Variants in MACROD2 observed in about 807,000 individuals in gnomAD.
MACROD2 encodes the protein ADP-ribose glycohydrolase MACROD2.
MACROD2 carries 36 observed loss-of-function variants against 70.4 expected under a neutral mutation model. The observed-to-expected ratio is 0.51, with a 90% CI of 0.39 to 0.68. The LOEUF (loss-of-function observed/expected upper bound fraction) is 0.68, where lower values mean the gene tolerates loss of function less well. Among genes scored for constraint, MACROD2 ranks in the 30% least tolerant of loss-of-function variants. The pLI is 0.00. For synonymous variants in MACROD2, 172 were observed against 178.8 expected (o/e 0.96, Z 0.30); for missense variants, 496 against 538.4 (o/e 0.92, Z 0.78).
intron 15 of MACROD2, among the ~76,000 whole-genome samples, chr20:15,990,766 A>G (rs879307449): frequency 4.6e-5 from 7 of 152,218 alleles, no homozygotes; most frequent in Non-Finnish European, 2.9e-5. Flanking sequence ...GTGTACAGAC[A>G]GCCATGGCTT....
intron 3 of MACROD2, among the ~76,000 whole-genome samples, chr20:14,484,194 A>T (rs1329037673): frequency 1.3e-5 from 2 of 152,208 alleles, no homozygotes; most frequent in Non-Finnish European, 2.9e-5. Flanking sequence ...TTTAATAAAC[A>T]TATTTTAATA....
chr20:14,332,731 G>A (rs116250607), intron 3 of MACROD2, among the ~76,000 whole-genome samples: 2,280 of 152,152 alleles, frequency 0.015, 23 homozygotes, highest in African/African-American at 0.027. Context: ...ATTGTTTTAA[G>A]TAAAACCTTG....
intron 8 of MACROD2, among the ~76,000 whole-genome samples, chr20:15,708,348 A>G (rs978845171): frequency 7.8e-4 from 119 of 152,222 alleles, no homozygotes; most frequent in African/African-American, 2.7e-3. Flanking sequence ...GAGGACCAGG[A>G]GCCTGGGGAT....
intron 2 of MACROD2, among the ~76,000 whole-genome samples, chr20:14,051,032 C>A (rs545355803): frequency 3.9e-5 from 6 of 152,052 alleles, no homozygotes; most frequent in African/African-American, 1.5e-4. Context: ...TTGAAATATA[C>A]TTGTGAAAAG....
intron 8 of MACROD2, among the ~76,000 whole-genome samples, chr20:15,838,352 TTC>T (rs1568589591): frequency 6.6e-6 from 1 of 152,184 alleles, no homozygotes; most frequent in African/African-American, 2.4e-5. Context: ...TTTCTTATCT[TTC>T]TATGCAAAAT....
At chr20:15,057,110 T>C (rs1454486139) in intron 5 of MACROD2, among the ~76,000 whole-genome samples, 1 of 152,158 alleles carries the variant, frequency 6.6e-6, no homozygotes, top group Non-Finnish European at 1.5e-5. Flanking sequence ...ATATATTTTT[T>C]AAAAAAGTGT....
rs76538375 is a variant in MACROD2 at position 15,279,123 on chromosome 20, G to A, written c.540+49062G>A. Reference sequence around the variant, plus strand: ...GTAGTTAGTGGAAACTTGAAGGTACGAGTTATGAGCGACTTTAAAATATAT... The same window carrying A: ...GTAGTTAGTGGAAACTTGAAGGTACAAGTTATGAGCGACTTTAAAATATAT... On this transcript the variant is annotated intron_variant, in intron 6 of 17. Coordinates refer to ENST00000684519, the MANE Select transcript of MACROD2 (RefSeq NM_001351661.2). 6.1e-3 allele frequency among the ~76,000 whole-genome samples: 924 copies of A among 152,276 alleles called. 14 individuals carry two copies. The highest frequency in any genetic ancestry group is 0.021 in the African/African-American group (868 of 41,554).
chr20:14,702,695 ATG>A (rs2071220799), intron 5 of MACROD2, among the ~76,000 whole-genome samples: 2 of 138,716 alleles, frequency 1.4e-5, no homozygotes, highest in African/African-American at 5.3e-5. Flanking sequence ...GTGTATATAT[ATG>A]TATATATATG....
chr20:14,695,142 C>A (rs1454256601), intron 5 of MACROD2, among the ~76,000 whole-genome samples: 1 of 152,160 alleles, frequency 6.6e-6, no homozygotes, highest in Admixed American at 6.5e-5. Context: ...AATTTATTCT[C>A]TCTCAGTTCT....
At chr20:15,988,915 A>T (rs2066521070) in intron 15 of MACROD2, among the ~76,000 whole-genome samples, 7 of 152,174 alleles carry the variant, frequency 4.6e-5, no homozygotes. Context: ...AGTGAAAAGT[A>T]CTCATAGGAA....
chr20:15,866,388 C>G (rs2064493877), intron 9 of MACROD2, among the ~76,000 whole-genome samples: 1 of 151,434 alleles, frequency 6.6e-6, no homozygotes, highest in South Asian at 2.1e-4. Context: ...GAAGCAAGAC[C>G]CCATCTCTAA....
intron 6 of MACROD2, among the ~76,000 whole-genome samples, chr20:15,284,274 G>C (rs2077472235): frequency 6.6e-6 from 1 of 151,958 alleles, no homozygotes; most frequent in Admixed American, 6.6e-5. Flanking sequence ...TTGTTTTCCT[G>C]CCAAATTTCC....
intron 6 of MACROD2, among the ~76,000 whole-genome samples, chr20:15,365,389 G>T (rs142757664): frequency 0.012 from 1,830 of 152,226 alleles, 15 homozygotes; most frequent in African/African-American, 0.025. Flanking sequence ...GAAGAGGCCA[G>T]GCATGGTGGC....
chr20:14,305,522 G>C (rs538790103), intron 3 of MACROD2, among the ~76,000 whole-genome samples: 2 of 152,094 alleles, frequency 1.3e-5, no homozygotes, highest in Non-Finnish European at 2.9e-5. Context: ...CATTTTGGGA[G>C]CCCATGTGGT....
chr20:15,090,116 TTATGTA>T (rs1369661808), intron 5 of MACROD2, among the ~76,000 whole-genome samples: 1 of 151,908 alleles, frequency 6.6e-6, no homozygotes, highest in Non-Finnish European at 1.5e-5. Flanking sequence ...GAGATGATAT[TTATGTA>T]TAAATTCTCA....
intron 10 of MACROD2, among the ~76,000 whole-genome samples, chr20:15,916,600 G>GTC (rs767808974): frequency 2.6e-5 from 4 of 152,298 alleles, no homozygotes; most frequent in Admixed American, 2.0e-4. Flanking sequence ...CTATGTCTCT[G>GTC]TCTCTGCTTT....
intron 6 of MACROD2, among the ~76,000 whole-genome samples, chr20:15,336,785 G>T (rs369977296): frequency 2.0e-5 from 3 of 151,452 alleles, no homozygotes; most frequent in Non-Finnish European, 4.4e-5. Flanking sequence ...CCTTTTAACC[G>T]TAACACTGTT....
At chr20:15,893,809 C>T (rs1451022992) in intron 10 of MACROD2, 1 of 456,648 alleles carries the variant, frequency 2.2e-6, no homozygotes, top group Non-Finnish European at 4.4e-6. Context: ...CAGGTTGGGT[C>T]TTGAGGGAAG....
At chr20:14,353,046 G>A (rs923088473) in intron 3 of MACROD2, among the ~76,000 whole-genome samples, 6 of 151,942 alleles carry the variant, frequency 3.9e-5, no homozygotes, top group African/African-American at 7.3e-5. Flanking sequence ...TAAAATTAGC[G>A]TTAGCTGTGA....
Sources: allele counts gnomAD v4.1 joint callset (sites outside exome capture counted in the v4.1 genomes callset), GRCh38; gene constraint gnomAD v4.1.1; transcripts MANE v1.5; gene names NCBI Gene and HGNC (gene_info 2026-07-23, HGNC 2026-07-21).